The following TRABD2B variants were observed in gnomAD, a reference collection of about 807,000 sequenced individuals.
The protein encoded by TRABD2B is TraB domain containing 2B.
Under a neutral mutation model 40.1 loss-of-function variants are expected in TRABD2B, and 14 were observed. The ratio of observed to expected loss-of-function variants is 0.35; its 90% CI spans 0.23 to 0.55. TRABD2B has a LOEUF of 0.55. Ranked by LOEUF, TRABD2B falls within the 20% of genes least tolerant of loss-of-function variation. The probability of loss-of-function intolerance (pLI) is 0.90; values close to 1 mark genes in which losing one functional copy is unlikely to be tolerated. For synonymous variants in TRABD2B, 263 were observed against 277.0 expected (o/e 0.95, Z 0.50); for missense variants, 541 against 648.6 (o/e 0.83, Z 1.80).
intron 2 of TRABD2B, among the ~76,000 whole-genome samples, chr1:47,877,544 G>A (rs1644242531): frequency 6.6e-6 from 1 of 152,054 alleles, no homozygotes; most frequent in South Asian, 2.1e-4. Flanking sequence ...AAAGCATCTC[G>A]CCATCTCTAT....
intron 2 of TRABD2B, among the ~76,000 whole-genome samples, chr1:47,949,706 C>G (rs1645313925): frequency 6.6e-6 from 1 of 151,980 alleles, no homozygotes; most frequent in Non-Finnish European, 1.5e-5. Context: ...CTGTGCCCAG[C>G]CTATGATTGT....
At chr1:47,952,102 G>A (rs866522765) in intron 2 of TRABD2B, among the ~76,000 whole-genome samples, 13 of 152,130 alleles carry the variant, frequency 8.5e-5, no homozygotes, top group African/African-American at 2.4e-4. Flanking sequence ...ACTGCAGTTG[G>A]GAGAAGTAAG....
rs1428277093 is a variant in TRABD2B, at chr1:47,954,418, GA to G, written c.666+39615del. On this transcript the variant is annotated intron_variant, in intron 2 of 6. Transcript: ENST00000606738. ...CTAGCCAGGGCTGTGGCACCACAGAGAAAAATCAGACCTGCAAAGCTCACAG... is the reference window on the plus strand; with the variant it reads ...CTAGCCAGGGCTGTGGCACCACAGAGAAAATCAGACCTGCAAAGCTCACAG... Among the ~76,000 whole-genome samples the G allele has an allele frequency of 2.0e-5, 3 of 152,194 alleles. 1 individual carries two copies. The highest frequency in any genetic ancestry group is 7.2e-5 in the African/African-American group (3 of 41,438).
chr1:47,976,440 C>T (rs952460372), intron 2 of TRABD2B, among the ~76,000 whole-genome samples: 4 of 152,104 alleles, frequency 2.6e-5, no homozygotes, highest in Non-Finnish European at 4.4e-5. Flanking sequence ...CTGTCACCTT[C>T]CAGGCATTCA....
chr1:47,922,176 T>C (rs1644910873), intron 2 of TRABD2B, among the ~76,000 whole-genome samples: 1 of 152,196 alleles, frequency 6.6e-6, no homozygotes. Flanking sequence ...TAAGCAGCAG[T>C]GTGAGCTGGC....
At chr1:47,841,738 G>C (rs1042213409) in intron 2 of TRABD2B, among the ~76,000 whole-genome samples, 4 of 151,932 alleles carry the variant, frequency 2.6e-5, no homozygotes, top group African/African-American at 9.7e-5. Context: ...AGTCTTTCTG[G>C]ACAGGTCTTG....
At chr1:47,854,365 AG>A (rs1643869716) in intron 2 of TRABD2B, among the ~76,000 whole-genome samples, 1 of 152,126 alleles carries the variant, frequency 6.6e-6, no homozygotes, top group South Asian at 2.1e-4. Flanking sequence ...GCTGATCTCC[AG>A]AGTCTGGTTC....
In TRABD2B at chr1:47,775,457, C is replaced by T; in HGVS notation, c.1080-18G>A. On this transcript the variant is annotated intron_variant, in intron 5 of 6. Transcript: ENST00000606738. ...GGGCAGGGCTGGAAAGAGGTAATGG[C>T]ACATGGGGCACATGTGTTGGAGAAT... 1 of 1,234,274 alleles carries T rather than the reference C, an allele frequency of 8.1e-7. No individual in the cohort carries two copies. The highest frequency in any genetic ancestry group is 4.1e-5 in the South Asian group (1 of 24,502). 76.5% of individuals were successfully genotyped at this position (1,234,274 alleles called of 1,614,324 possible).
chr1:47,842,011 A>T (rs1645404730), intron 2 of TRABD2B, among the ~76,000 whole-genome samples: 1 of 151,892 alleles, frequency 6.6e-6, no homozygotes, highest in Admixed American at 6.6e-5. Context: ...CAACCTCGTG[A>T]TCCACCCGCC....
At chr1:47,828,497 G>A (rs1310399951) in intron 2 of TRABD2B, among the ~76,000 whole-genome samples, 1 of 152,352 alleles carries the variant, frequency 6.6e-6, no homozygotes. Context: ...AGCAGCTGCT[G>A]CAGCCTTTGA....
At chr1:47,820,027 A>C (rs1161437284) in intron 2 of TRABD2B, 1 of 151,462 alleles carries the variant, frequency 6.6e-6, no homozygotes, top group African/African-American at 2.4e-5. Flanking sequence ...CCACCTCCAC[A>C]CTCTGCCATA....
At chr1:47,839,365 C>G (rs909837207) in intron 2 of TRABD2B, among the ~76,000 whole-genome samples, 4 of 152,158 alleles carry the variant, frequency 2.6e-5, no homozygotes, top group Non-Finnish European at 4.4e-5. Flanking sequence ...TCCCACCACA[C>G]ACACACACTC....
intron 2 of TRABD2B, among the ~76,000 whole-genome samples, chr1:47,857,991 C>T (rs190499848): frequency 4.1e-5 from 6 of 147,576 alleles, no homozygotes; most frequent in South Asian, 2.1e-4. Flanking sequence ...AGATAGAGAT[C>T]CCATTTGCAT....
intron 2 of TRABD2B, among the ~76,000 whole-genome samples, chr1:47,909,036 T>C (rs999295275): frequency 1.3e-5 from 2 of 152,264 alleles, no homozygotes; most frequent in African/African-American, 2.4e-5. Context: ...CTTGACTTTC[T>C]GCTTTCCAGG....
intron 3 of TRABD2B, among the ~76,000 whole-genome samples, chr1:47,795,122 C>A (rs1327413793): frequency 6.6e-6 from 1 of 152,144 alleles, no homozygotes; most frequent in East Asian, 1.9e-4. Flanking sequence ...TATGCACAGC[C>A]CCAGTGGGGC....
chr1:47,934,481 G>T (rs922270180), intron 2 of TRABD2B, among the ~76,000 whole-genome samples: 1 of 152,276 alleles, frequency 6.6e-6, no homozygotes, highest in Admixed American at 6.5e-5. Flanking sequence ...GGAGGCCTTG[G>T]CTGCCAGCGG....
intron 5 of TRABD2B, among the ~76,000 whole-genome samples, chr1:47,776,186 C>T (rs1168510389): frequency 6.6e-6 from 1 of 151,958 alleles, no homozygotes; most frequent in Admixed American, 6.6e-5. Flanking sequence ...GTGCATTCAT[C>T]CAACCTTCCA....
chr1:47,890,649 C>CA (rs1644432075), intron 2 of TRABD2B, among the ~76,000 whole-genome samples: 1 of 152,212 alleles, frequency 6.6e-6, no homozygotes, highest in Non-Finnish European at 1.5e-5. Flanking sequence ...GCAGGCCTCT[C>CA]ATCTGCCAAA....
intron 2 of TRABD2B, among the ~76,000 whole-genome samples, chr1:47,834,577 G>GCA (rs1553156380): frequency 0.24 from 33,947 of 142,298 alleles, 3,916 homozygotes; most frequent in Non-Finnish European, 0.28. Flanking sequence ...ACACACACAC[G>GCA]CGCACACACA....
Sources: gnomAD v4.1 joint callset for allele counts (sites outside exome capture counted in the v4.1 genomes callset) on GRCh38, gnomAD v4.1.1 for gene constraint, MANE v1.5 for transcripts, NCBI Gene and HGNC (gene_info 2026-07-23, HGNC 2026-07-21) for gene names.